Variants in WWOX observed in about 807,000 individuals in gnomAD.
The protein encoded by WWOX is WW domain-containing oxidoreductase.
A neutral mutation model predicts 46.2 loss-of-function variants in WWOX; 69 were observed. That is an observed-to-expected ratio of 1.49 (90% CI 1.23 to 1.82). The LOEUF (loss-of-function observed/expected upper bound fraction) is 1.82. WWOX is among the 40% of genes most tolerant of loss of function. WWOX has a pLI of 0.00. For synonymous variants in WWOX, 359 were observed against 202.6 expected (o/e 1.77, Z -6.56); for missense variants, 919 against 542.6 (o/e 1.69, Z -6.89).
chr16:78,729,899 A>G (rs550231400), intron 8 of WWOX, among the ~76,000 whole-genome samples: 4 of 152,204 alleles, frequency 2.6e-5, no homozygotes, highest in African/African-American at 9.6e-5. Context: ...ATTTAGATTT[A>G]AACAAGACTA....
intron 8 of WWOX, among the ~76,000 whole-genome samples, chr16:78,693,617 C>T (rs1244593287): frequency 6.6e-6 from 1 of 152,146 alleles, no homozygotes; most frequent in East Asian, 1.9e-4. Context: ...CTGTCGGGAA[C>T]ATTTGGCAAT....
chr16:78,557,419 C>G (rs895088871), intron 8 of WWOX, among the ~76,000 whole-genome samples: 3 of 152,144 alleles, frequency 2.0e-5, no homozygotes, highest in Admixed American at 6.5e-5. Context: ...CAGATGTTAG[C>G]ACGTGCAGGC....
chr16:78,817,989 G>A (rs761958560), intron 8 of WWOX, among the ~76,000 whole-genome samples: 1 of 152,162 alleles, frequency 6.6e-6, no homozygotes. Flanking sequence ...GGAAGAAAAC[G>A]AAGATGGAGT....
intron 5 of WWOX, among the ~76,000 whole-genome samples, chr16:78,250,469 G>T (rs992706893): frequency 6.6e-6 from 1 of 151,462 alleles, no homozygotes; most frequent in Admixed American, 6.6e-5. Flanking sequence ...CTGGCTAATT[G>T]GCAGTGCCCA....
At chr16:78,354,881 C>G (rs1010594823) in intron 5 of WWOX, among the ~76,000 whole-genome samples, 1 of 152,110 alleles carries the variant, frequency 6.6e-6, no homozygotes, top group South Asian at 2.1e-4. Context: ...TGCCTATAAT[C>G]CCAACACTTT....
intron 8 of WWOX, among the ~76,000 whole-genome samples, chr16:78,549,601 C>G (rs902945744): frequency 6.6e-6 from 1 of 152,058 alleles, no homozygotes; most frequent in Non-Finnish European, 1.5e-5. Context: ...ACCATTTGAT[C>G]GAAGAGCTCT....
rs547427139 is a variant in WWOX, at chr16:78,100,346, G to A, written c.107+461G>A. On this transcript the variant is annotated intron_variant, in intron 1 of 8. Coordinates refer to ENST00000566780, the MANE Select transcript of WWOX (RefSeq NM_016373.4). ...TAGCCCACTGTAGCCTCTACCTACT[G>A]GGTTCAGACAATCCTCTCATCTCAG... The A allele has an allele frequency of 7.1e-6, 5 of 704,316 alleles. No individual in the cohort carries two copies. The Admixed American group carries it at 1.9e-4, about 26-fold the overall frequency. 43.6% of individuals were successfully genotyped at this position (704,316 alleles called of 1,614,324 possible).
At chr16:78,459,817 T>C (rs1461223175) in intron 8 of WWOX, among the ~76,000 whole-genome samples, 2 of 152,036 alleles carry the variant, frequency 1.3e-5, no homozygotes, top group Admixed American at 6.6e-5. Flanking sequence ...TTTAATTCTT[T>C]TTGAGACAGG....
chr16:78,326,966 T>A (rs980316721), intron 5 of WWOX, among the ~76,000 whole-genome samples: 1 of 152,178 alleles, frequency 6.6e-6, no homozygotes, highest in African/African-American at 2.4e-5. Flanking sequence ...CTCTTGCTGC[T>A]TTTTCTGAAG....
chr16:78,230,237 T>C (rs1289324731), intron 5 of WWOX, among the ~76,000 whole-genome samples: 1 of 152,192 alleles, frequency 6.6e-6, no homozygotes, highest in Admixed American at 6.6e-5. Context: ...AGGGAAGGTT[T>C]GTGAAAACAT....
intron 5 of WWOX, among the ~76,000 whole-genome samples, chr16:78,368,721 C>A (rs1021255166): frequency 6.6e-6 from 1 of 152,280 alleles, no homozygotes; most frequent in African/African-American, 2.4e-5. Context: ...GCCTGGGTTG[C>A]TCTTTGCAAC....
chr16:78,816,896 A>T (rs1476408694), intron 8 of WWOX, among the ~76,000 whole-genome samples: 3 of 152,306 alleles, frequency 2.0e-5, no homozygotes, highest in Admixed American at 2.0e-4. Flanking sequence ...ATCTGAAGGC[A>T]AGAAATAGCC....
chr16:78,974,406 A>G (rs937099684), intron 8 of WWOX, among the ~76,000 whole-genome samples: 4 of 152,282 alleles, frequency 2.6e-5, no homozygotes, highest in East Asian at 1.9e-4. Flanking sequence ...CTTGCTATAC[A>G]CTAGCCTTGG....
At chr16:78,536,742 G>A (rs1024607713) in intron 8 of WWOX, among the ~76,000 whole-genome samples, 13 of 151,908 alleles carry the variant, frequency 8.6e-5, no homozygotes, top group African/African-American at 2.9e-4. Context: ...GAATGATGAC[G>A]AAGGAGGAGG....
chr16:78,907,194 G>T (rs1044223861), intron 8 of WWOX, among the ~76,000 whole-genome samples: 8 of 152,108 alleles, frequency 5.3e-5, no homozygotes, highest in East Asian at 1.9e-4. Flanking sequence ...CAATCATAGG[G>T]GTGTGTAAAA....
intron 8 of WWOX, among the ~76,000 whole-genome samples, chr16:78,756,420 A>C (rs1440734615): frequency 6.6e-6 from 1 of 152,170 alleles, no homozygotes; most frequent in Non-Finnish European, 1.5e-5. Context: ...TTATTCAGGA[A>C]GCTCTGAAGC....
chr16:78,616,806 C>G (rs538752701), intron 8 of WWOX, among the ~76,000 whole-genome samples: 2 of 152,126 alleles, frequency 1.3e-5, no homozygotes, highest in East Asian at 1.9e-4. Context: ...GGCACTAACC[C>G]TACTCAGGAA....
intron 8 of WWOX, among the ~76,000 whole-genome samples, chr16:78,822,365 G>C (rs540561561): frequency 6.6e-6 from 1 of 152,236 alleles, no homozygotes; most frequent in South Asian, 2.1e-4. Flanking sequence ...GTGGTGGCAT[G>C]TGCCTGTAAT....
Position 78,143,718 on chromosome 16 carries a change from A to G in WWOX, c.410-20465A>G, listed in dbSNP as rs564280726. On this transcript the variant is annotated intron_variant, in intron 4 of 8. Transcript: ENST00000566780. ...CTAATAAGTTTTCAGAATTATTAAGAAAACAAAGCTCATTCCTCTAAAAGA... is the reference window on the plus strand; with the variant it reads ...CTAATAAGTTTTCAGAATTATTAAGGAAACAAAGCTCATTCCTCTAAAAGA... 2.0e-5 allele frequency among the ~76,000 whole-genome samples: 3 copies of G among 151,870 alleles called. No homozygotes were observed. The South Asian group carries it at 6.2e-4, about 32-fold the overall frequency.
Sources: gnomAD v4.1 joint callset for allele counts (sites outside exome capture counted in the v4.1 genomes callset) on GRCh38, gnomAD v4.1.1 for gene constraint, MANE v1.5 for transcripts, NCBI Gene and HGNC (gene_info 2026-07-23, HGNC 2026-07-21) for gene names.